The following GPHN variants were observed in gnomAD, a reference collection of about 807,000 sequenced individuals.
GPHN encodes the protein gephyrin.
A neutral mutation model predicts 95.5 loss-of-function variants in GPHN; 17 were observed. The ratio of observed to expected loss-of-function variants is 0.18; its 90% CI spans 0.12 to 0.27. GPHN has a LOEUF of 0.27. Ranked by LOEUF, GPHN falls within the 10% of genes least tolerant of loss-of-function variation. The probability of loss-of-function intolerance (pLI) is 1.00; values close to 1 mark genes in which losing one functional copy is unlikely to be tolerated. For missense variants in GPHN, 660 were observed against 978.1 expected (o/e 0.67, Z 4.34); for synonymous variants, 320 against 322.5 (o/e 0.99, Z 0.08).
chr14:66,630,395 A>G (rs1427607628), intron 1 of GPHN, among the ~76,000 whole-genome samples: 6 of 152,222 alleles, frequency 3.9e-5, no homozygotes, highest in African/African-American at 1.4e-4. Flanking sequence ...ACAGGGTGAT[A>G]GAAATAAATG....
the GPHN span, among the ~76,000 whole-genome samples, chr14:67,721,162 C>T: frequency 2.0e-5 from 3 of 152,166 alleles, no homozygotes; most frequent in African/African-American, 7.2e-5. Context: ...CCTGGAGGCT[C>T]CTCTGGCTTC....
chr14:66,996,246 G>C (rs576850036), intron 9 of GPHN: 2 of 1,371,040 alleles, frequency 1.5e-6, no homozygotes, highest in Non-Finnish European at 2.0e-6. Flanking sequence ...TTTCTTACAT[G>C]GTCAATAACA....
intron 11 of GPHN, among the ~76,000 whole-genome samples, chr14:67,086,836 A>T (rs992285269): frequency 2.0e-5 from 3 of 151,408 alleles, no homozygotes; most frequent in African/African-American, 7.3e-5. Flanking sequence ...CAGGAGATCG[A>T]GACCATCCTG....
chr14:66,654,219 C>T (rs935484215), intron 1 of GPHN, among the ~76,000 whole-genome samples: 6 of 152,072 alleles, frequency 3.9e-5, no homozygotes, highest in African/African-American at 1.4e-4. Flanking sequence ...ACGTGTGACT[C>T]AGTCTCCCAA....
At chr14:66,900,624 G>A (rs966471085) in intron 5 of GPHN, among the ~76,000 whole-genome samples, 8 of 151,696 alleles carry the variant, frequency 5.3e-5, no homozygotes, top group African/African-American at 1.9e-4. Flanking sequence ...CCCACATTAT[G>A]AGGGAGAACT....
the GPHN span, chr14:67,600,107 A>T: frequency 6.3e-7 from 1 of 1,597,100 alleles, no homozygotes; most frequent in Non-Finnish European, 8.5e-7. Flanking sequence ...AGCCGAGGGC[A>T]GCTGAGGCAG....
the GPHN span, among the ~76,000 whole-genome samples, chr14:67,450,427 G>A: frequency 6.6e-6 from 1 of 152,156 alleles, no homozygotes; most frequent in South Asian, 2.1e-4. Context: ...GGGAAAGTTT[G>A]GAACTTCCTA....
chr14:67,210,098 T>C, the GPHN span, among the ~76,000 whole-genome samples: 20 of 152,356 alleles, frequency 1.3e-4, no homozygotes, highest in Non-Finnish European at 1.3e-4. Context: ...AATGTTTGTA[T>C]TCCTTTACTT....
the GPHN span, chr14:67,381,521 G>A: frequency 1.0e-5 from 12 of 1,161,886 alleles, no homozygotes; most frequent in East Asian, 4.7e-5. Context: ...TATCTGCCAC[G>A]TGTTTGATTT....
intron 1 of GPHN, among the ~76,000 whole-genome samples, chr14:66,585,688 G>A (rs1163972859): frequency 6.6e-6 from 1 of 152,136 alleles, no homozygotes; most frequent in Non-Finnish European, 1.5e-5. Context: ...TTTCCATGTA[G>A]TTGAGCAGTT....
At chr14:66,936,979 G>C (rs2067161772) in intron 8 of GPHN, among the ~76,000 whole-genome samples, 1 of 152,114 alleles carries the variant, frequency 6.6e-6, no homozygotes, top group African/African-American at 2.4e-5. Flanking sequence ...TACAAGTCAG[G>C]GCATTCTAGT....
At chr14:67,338,558 T>C in the GPHN span, 1 of 1,555,654 alleles carries the variant, frequency 6.4e-7, no homozygotes, top group Non-Finnish European at 8.7e-7. Context: ...AAATCAAACC[T>C]ACACACTGTG....
chr14:67,015,594 G>T (rs2073261418), intron 9 of GPHN, among the ~76,000 whole-genome samples: 1 of 152,104 alleles, frequency 6.6e-6, no homozygotes, highest in Admixed American at 6.5e-5. Flanking sequence ...CTACTCGGGA[G>T]GCTGAGGCAG....
chr14:67,576,302 A>G, the GPHN span: 1 of 688,046 alleles, frequency 1.5e-6, no homozygotes, highest in Non-Finnish European at 2.5e-6. The surrounding 1 kb of genome is among the most constrained non-coding windows in gnomAD (Gnocchi z 4.0). Context: ...TGAACCCCAC[A>G]TGGGCTTGGT....
At chr14:67,595,067 G>A in the GPHN span, among the ~76,000 whole-genome samples, 1 of 152,078 alleles carries the variant, frequency 6.6e-6, no homozygotes, top group Non-Finnish European at 1.5e-5. Context: ...AACCCAGGAG[G>A]TGGAGCTTGC....
At chr14:67,302,207 A>G in the GPHN span, 1 of 1,374,700 alleles carries the variant, frequency 7.3e-7, no homozygotes, top group African/African-American at 1.5e-5. Context: ...ATTCTAATGA[A>G]TAGAGTATTT....
chr14:67,592,802 T>C, the GPHN span: 1 of 900,644 alleles, frequency 1.1e-6, no homozygotes, highest in Non-Finnish European at 1.8e-6. Flanking sequence ...TTATTTATTT[T>C]TGAGACAGAG....
intron 1 of GPHN, among the ~76,000 whole-genome samples, chr14:66,663,876 CAAAG>C (rs775439429): frequency 2.0e-5 from 3 of 152,058 alleles, no homozygotes; most frequent in Non-Finnish European, 4.4e-5. Flanking sequence ...TCAATAAAGA[CAAAG>C]AAGAAGGGCA....
chr14:66,830,290 G>GA (rs1229326884), intron 4 of GPHN, among the ~76,000 whole-genome samples: 1 of 151,966 alleles, frequency 6.6e-6, no homozygotes, highest in East Asian at 1.9e-4. Flanking sequence ...ATGGAGCAAA[G>GA]AAAAAATGCT....
Sources: allele counts gnomAD v4.1 joint callset (sites outside exome capture counted in the v4.1 genomes callset), GRCh38; gene constraint gnomAD v4.1.1; non-coding constraint Gnocchi (gnomAD v3.1); transcripts MANE v1.5; gene names NCBI Gene and HGNC (gene_info 2026-07-23, HGNC 2026-07-21).